The following TMED6 variants were observed in gnomAD, a reference collection of about 807,000 sequenced individuals.
The protein encoded by TMED6 is transmembrane emp24 domain-containing protein 6.
TMED6 carries 17 observed loss-of-function variants against 26.5 expected under a neutral mutation model. The ratio of observed to expected loss-of-function variants is 0.64; its 90% CI spans 0.44 to 0.96. The LOEUF (loss-of-function observed/expected upper bound fraction) is 0.96, where lower values mean the gene tolerates loss of function less well. TMED6 is among the 40% of genes least tolerant of loss of function. The probability of loss-of-function intolerance (pLI) is 0.00; values close to 1 mark genes in which losing one functional copy is unlikely to be tolerated. For synonymous variants in TMED6, 107 were observed against 106.2 expected, an observed-to-expected ratio of 1.01 and a Z score of -0.04; for missense variants, 309 against 296.5, an observed-to-expected ratio of 1.04 and a Z score of -0.31.
In TMED6 at chr16:69,351,633, G is replaced by A. The variant is rs762171781; in HGVS notation, c.121C>T (p.Arg41Ter). ...GGTATCATGATGGCAAAGTCATATC[G>A]ATCAGCTCCACGGAAGAGTGGCTGG... ...GDQPLFRGAD[R>*]YDFAIMIPPG... The change falls in exon 1 of 4, where the codon CGA becomes TGA. Residue 41 changes from arginine (R) to a stop codon, truncating the protein, a stop_gained. Transcript: ENST00000288025. LOFTEE classifies it high-confidence loss of function. 7 of 1,613,868 alleles carry A rather than the reference G, an allele frequency of 4.3e-6. 1 individual carries two copies. In the South Asian group the frequency reaches 4.4e-5, roughly 10 times the overall value.
Position 69,349,547 on chromosome 16 carries a change from A to G in TMED6, c.318T>C (p.Ile106=), listed in dbSNP as rs767082482. 2 of 1,613,900 alleles carry G rather than the reference A, an allele frequency of 1.2e-6. No homozygotes were observed. Among genetic ancestry groups the G allele is most frequent in the Non-Finnish European group, 1.7e-6 (2 of 1,179,906 alleles). Residue 106 remains isoleucine (I), a synonymous_variant, in exon 2 of 4, where the codon ATT becomes ATC. Transcript: ENST00000288025. ...GACCTGTCTCTTGGGTAGAGAAGTT[A>G]ATCTGGCCCCGAACACCCTGGGAGG... is the stretch of plus-strand genomic sequence containing the variant. ...IDTSQGVRGQ[I]NFSTQETGFY... is the part of the protein sequence containing the mutation.
rs762628157 is a variant in TMED6, at chr16:69,349,553, G to GC, written c.311dup (p.Gln105ProfsTer3). On this transcript the variant is annotated frameshift_variant, in exon 2 of 4. Transcript: ENST00000288025. LOFTEE classifies it high-confidence loss of function. ...TCTCTTGGGTAGAGAAGTTAATCTG[G>GC]CCCCGAACACCCTGGGAGGTGTCTA... is the stretch of plus-strand genomic sequence containing the variant. The GC allele has an allele frequency of 6.2e-7, 1 of 1,613,720 alleles. No individual in the cohort carries two copies. The highest frequency in any genetic ancestry group is 8.5e-7 in the Non-Finnish European group (1 of 1,179,890).
At chr16:69,350,663 G>C (rs1389604603) in intron 1 of TMED6, among the ~76,000 whole-genome samples, 1 of 152,026 alleles carries the variant, frequency 6.6e-6, no homozygotes, top group Non-Finnish European at 1.5e-5. Flanking sequence ...TCCCAGATTT[G>C]GGCATTTGCT....
In TMED6 at chr16:69,349,636, C is replaced by A; in HGVS notation, c.229G>T (p.Gly77Trp). 1 of 1,613,646 alleles carries A rather than the reference C, an allele frequency of 6.2e-7. No individual in the cohort carries two copies. Among genetic ancestry groups the A allele is most frequent in the Non-Finnish European group, 8.5e-7 (1 of 1,179,742 alleles). Reference sequence around the variant, plus strand: ...GCAACATGCCGGTCATGTGACATCCCCACTGTCCGCTGAACCTGCCAAGAC... The same window carrying A: ...GCAACATGCCGGTCATGTGACATCCACACTGTCCGCTGAACCTGCCAAGAC... ...YFSYEVQRTV[G>W]MSHDRHVAAT... The change falls in exon 2 of 4, where the codon GGG becomes TGG. Residue 77 changes from glycine to tryptophan, a missense_variant. Transcript: ENST00000288025.
chr16:69,349,450 GTATAC>G, intron 2 of TMED6, 70 bp downstream of exon 2: 1 of 1,536,940 alleles, frequency 6.5e-7, no homozygotes, highest in Non-Finnish European at 8.8e-7. Context: ...AAACATCTCT[GTATAC>G]TTCCTCATTA....
At chr16:69,345,092 A>C (rs1017152455) in intron 3 of TMED6, among the ~76,000 whole-genome samples, 3 of 147,866 alleles carry the variant, frequency 2.0e-5, no homozygotes, top group Non-Finnish European at 4.5e-5. Flanking sequence ...CTGTCTCAAA[A>C]AAATATAAAT....
chr16:69,349,409 T>C, intron 2 of TMED6, 116 bp downstream of exon 2: 1 of 1,280,616 alleles, frequency 7.8e-7, no homozygotes, highest in East Asian at 2.7e-5. Flanking sequence ...TGGTTTTTGG[T>C]GTTAAAGGCT....
chr16:69,350,327 C>T (rs1014483554), intron 1 of TMED6, among the ~76,000 whole-genome samples: 3 of 148,342 alleles, frequency 2.0e-5, no homozygotes, highest in Non-Finnish European at 4.5e-5. Flanking sequence ...TTTTTTGAGA[C>T]GGAGTCTTGC....
Position 69,349,673 on chromosome 16 carries a change from G to A in TMED6, c.214-22C>T, listed in dbSNP as rs1188852757. On this transcript the variant is annotated intron_variant, in intron 1 of 3. Coordinates refer to ENST00000288025, the MANE Select transcript of TMED6 (RefSeq NM_144676.4). Reference sequence around the variant, plus strand: ...GAACCTGCCAAGACACATTAAATAGGTAGCAGAACCCCTGCTACATCACGA... The same window carrying A: ...GAACCTGCCAAGACACATTAAATAGATAGCAGAACCCCTGCTACATCACGA... The A allele has an allele frequency of 3.1e-6, 5 of 1,608,082 alleles. No individual in the cohort carries two copies. The Admixed American group carries it at 5.0e-5, about 16-fold the overall frequency.
At chr16:69,351,475 C>G in intron 1 of TMED6, 66 bp downstream of exon 1, 1 of 1,517,366 alleles carries the variant, frequency 6.6e-7, no homozygotes, top group Non-Finnish European at 9.0e-7. Flanking sequence ...TGGCCTAAAA[C>G]CTGACCCACT....
At position 69,343,650 on chromosome 16, in the gene TMED6, A is replaced by G. The variant is rs153060; in HGVS notation, c.490-10T>C. 481,488 of 1,605,268 alleles carry G rather than the reference A, an allele frequency of 0.3. 75,304 individuals are homozygous for G. Among genetic ancestry groups the G allele is most frequent in the East Asian group, 0.41 (18,254 of 44,634 alleles). On this transcript the variant is annotated splice_polypyrimidine_tract_variant and intron_variant, in intron 3 of 3. Coordinates refer to ENST00000288025, the MANE Select transcript of TMED6 (RefSeq NM_144676.4). Reference sequence around the variant, plus strand: ...CCTTTTGTGTGCCGTCCTATGAGAGAGACAATTTTAAGGGGGATTCTTCCA... The same window carrying G: ...CCTTTTGTGTGCCGTCCTATGAGAGGGACAATTTTAAGGGGGATTCTTCCA...
intron 1 of TMED6, 40 bp from the exon 2 acceptor site, chr16:69,349,691 C>A: frequency 1.3e-6 from 2 of 1,597,634 alleles, no homozygotes; most frequent in Non-Finnish European, 1.7e-6. Context: ...ACCCCTGCTA[C>A]ATCACGAGGA....
chr16:69,347,862 A>T lies in TMED6; in HGVS notation c.415T>A (p.Phe139Ile). ...SVQVYLNFGV[F>I]YEGPETDHKQ... is the part of the protein sequence containing the mutation. ...TGATCAGTCTCAGGCCCCTCATAGA[A>T]GACCCCAAAGTTGAGGTACACTTGC... The change falls in exon 3 of 4, where the codon TTC becomes ATC. Residue 139 changes from phenylalanine (F) to isoleucine (I), a missense_variant. Physicochemically the swap from Phe to Ile is conservative, Grantham distance 21. Transcript: ENST00000288025. 6.2e-7 allele frequency: 1 copy of T among 1,614,186 alleles called. No homozygotes were observed. The highest frequency in any genetic ancestry group is 8.5e-7 in the Non-Finnish European group (1 of 1,180,036).
intron 3 of TMED6, among the ~76,000 whole-genome samples, chr16:69,345,800 C>G (rs1462303881): frequency 2.0e-5 from 3 of 151,832 alleles, no homozygotes; most frequent in Non-Finnish European, 2.9e-5. Context: ...CTAAGCCTCC[C>G]GAGTGGCTGG....
intron 2 of TMED6, among the ~76,000 whole-genome samples, chr16:69,348,760 G>A (rs901638710): frequency 6.6e-6 from 1 of 152,150 alleles, no homozygotes; most frequent in Non-Finnish European, 1.5e-5. Context: ...GATTACAGGC[G>A]CCTGCCACCA....
At chr16:69,349,793 G>T in intron 1 of TMED6, 142 bp from the exon 2 acceptor site, 1 of 962,586 alleles carries the variant, frequency 1.0e-6, no homozygotes, top group Admixed American at 2.7e-5. Flanking sequence ...CTGGGGTTTG[G>T]AGTTGATTGG....
At chr16:69,350,352 TG>T (rs2012757262) in intron 1 of TMED6, among the ~76,000 whole-genome samples, 2 of 151,280 alleles carry the variant, frequency 1.3e-5, no homozygotes, top group Non-Finnish European at 2.9e-5. Context: ...TCACCCAGGC[TG>T]GAGTGCAGTG....
intron 2 of TMED6, among the ~76,000 whole-genome samples, chr16:69,348,914 C>G (rs1339462187): frequency 1.3e-5 from 2 of 152,232 alleles, no homozygotes; most frequent in Non-Finnish European, 1.5e-5. Context: ...CACGCCCAGC[C>G]TGTTCAAGAT....
Position 69,343,516 on chromosome 16 carries a change from G to GACCACCAGTTC in TMED6, c.603_613dup (p.Ser205Ter). ...AATAATAACAAGGCTCTGGGCTGTC[G>GACCACCAGTTC]ACCACCAGTTCACGTAGTTATAGTT... On this transcript the variant is annotated stop_gained and frameshift_variant, in exon 4 of 4. Coordinates refer to ENST00000288025, the MANE Select transcript of TMED6 (RefSeq NM_144676.4). LOFTEE classifies it high-confidence loss of function. 6.2e-7 allele frequency: 1 copy of GACCACCAGTTC among 1,614,112 alleles called. No individual in the cohort carries two copies. The highest frequency in any genetic ancestry group is 1.3e-5 in the African/African-American group (1 of 75,026).
Sources: gnomAD v4.1 joint callset for allele counts (sites outside exome capture counted in the v4.1 genomes callset) on GRCh38, gnomAD v4.1.1 for gene constraint, MANE v1.5 for transcripts, NCBI Gene and HGNC (gene_info 2026-07-23, HGNC 2026-07-21) for gene names.